Variants in FRMD4B observed in about 807,000 individuals in gnomAD.
FRMD4B encodes FERM domain containing 4B.
Under a neutral mutation model 141.5 loss-of-function variants are expected in FRMD4B, and 74 were observed. The observed-to-expected ratio is 0.52, with a 90% CI of 0.43 to 0.63. The LOEUF (loss-of-function observed/expected upper bound fraction) is 0.63. Ranked by LOEUF, FRMD4B falls within the 30% of genes least tolerant of loss-of-function variation. The pLI, the probability that FRMD4B is intolerant of heterozygous loss-of-function variation, is 0.00. For synonymous variants in FRMD4B, 506 were observed against 467.9 expected, an observed-to-expected ratio of 1.08 and a Z score of -1.05; for missense variants, 1,366 against 1,253.4, an observed-to-expected ratio of 1.09 and a Z score of -1.36.
At chr3:69,332,967 A>G (rs1216230517) in intron 1 of FRMD4B, among the ~76,000 whole-genome samples, 1 of 152,080 alleles carries the variant, frequency 6.6e-6, no homozygotes, top group African/African-American at 2.4e-5. Context: ...ATATCAAGCT[A>G]AAATATAAGC....
intron 1 of FRMD4B, chr3:69,432,775 G>A (rs1276160030): frequency 6.6e-6 from 1 of 152,184 alleles, no homozygotes; most frequent in Non-Finnish European, 1.5e-5. Flanking sequence ...TAATACAGAA[G>A]AGAGAAGCTC....
chr3:69,182,710 G>C lies in FRMD4B; in HGVS notation c.1927C>G (p.Leu643Val). 6.2e-7 allele frequency: 1 copy of C among 1,610,882 alleles called. No homozygotes were observed. Among genetic ancestry groups the C allele is most frequent in the Non-Finnish European group, 8.5e-7 (1 of 1,178,984 alleles). ...TTGTAAGGGCTGCTGTGTGTGGACA[G>C]CATTTCTCTGTGATGATAAAAAGAA... Reference protein sequence around the residue: ...FVDTRQSREMLSTHSSPYKTL... With the variant: ...FVDTRQSREMVSTHSSPYKTL... Residue 643 changes from leucine to valine, a missense_variant, in exon 20 of 23, where the codon CTG (leucine) becomes GTG (valine). Coordinates refer to ENST00000398540, the MANE Select transcript of FRMD4B (RefSeq NM_015123.3).
At chr3:69,521,571 T>C (rs1480928762) in intron 1 of FRMD4B, among the ~76,000 whole-genome samples, 1 of 152,200 alleles carries the variant, frequency 6.6e-6, no homozygotes, top group Non-Finnish European at 1.5e-5. Flanking sequence ...AGAAACTCCA[T>C]TAACTTCCCA....
chr3:69,389,578 C>T (rs1704337941), upstream of FRMD4B, among the ~76,000 whole-genome samples: 1 of 152,200 alleles, frequency 6.6e-6, no homozygotes, highest in South Asian at 2.1e-4. Flanking sequence ...CAGAAGACAT[C>T]TTATTTCTAC....
At chr3:69,398,178 C>G (rs1378410378) in intron 2 of FRMD4B, among the ~76,000 whole-genome samples, 2 of 152,210 alleles carry the variant, frequency 1.3e-5, no homozygotes, top group East Asian at 3.9e-4. Context: ...GAGTTCTGAT[C>G]ATTGGATGAT....
chr3:69,303,439 T>A (rs754112067), intron 3 of FRMD4B, among the ~76,000 whole-genome samples: 5 of 152,160 alleles, frequency 3.3e-5, no homozygotes, highest in Non-Finnish European at 7.3e-5. Flanking sequence ...ATGGCGATTT[T>A]AAAAATTAAA....
At chr3:69,228,235 A>T (rs2093273047) in intron 7 of FRMD4B, 1 of 430,132 alleles carries the variant, frequency 2.3e-6, no homozygotes, top group Admixed American at 2.6e-5. Flanking sequence ...GCCTTCAATG[A>T]TAAGAATCCT....
At chr3:69,434,468 A>C (rs1559526801) in intron 1 of FRMD4B, among the ~76,000 whole-genome samples, 1 of 152,206 alleles carries the variant, frequency 6.6e-6, no homozygotes, top group Non-Finnish European at 1.5e-5. Flanking sequence ...TCCTGCCGGC[A>C]ACAAGCAGCA....
rs34819810 is a variant in FRMD4B at position 69,396,506 on chromosome 3, T to TA, written c.-1+36127dup. Among the ~76,000 whole-genome samples, 478 of 138,060 alleles carry TA rather than the reference T, an allele frequency of 3.5e-3. 3 individuals are homozygous for TA. The highest frequency in any genetic ancestry group is 0.01 in the African/African-American group (382 of 38,056). The allele number at this position is 138,060 out of a possible 152,430, so 90.6% of individuals were successfully genotyped here. On this transcript the variant is annotated intron_variant, in intron 2 of 5. Transcript: ENST00000459638. ...GGTGACAGAGTGAGACTCTGTCTCA[T>TA]AAAAAAAAAAAAGAATTATAGAAAA...
chr3:69,172,131 C>A, intron 22 of FRMD4B, 150 bp from the exon 23 acceptor site: 1 of 655,702 alleles, frequency 1.5e-6, no homozygotes, highest in Non-Finnish European at 2.7e-6. Flanking sequence ...AGGGTGACTG[C>A]ATGTTCTTTC....
intron 1 of FRMD4B, among the ~76,000 whole-genome samples, chr3:69,523,718 G>T (rs753216228): frequency 9.9e-5 from 15 of 152,252 alleles, no homozygotes; most frequent in South Asian, 4.2e-4. Flanking sequence ...CTAAGATTGG[G>T]GTTCTGTTAC....
intron 1 of FRMD4B, among the ~76,000 whole-genome samples, chr3:69,506,414 T>C (rs572941564): frequency 2.8e-4 from 43 of 151,948 alleles, no homozygotes; most frequent in Non-Finnish European, 4.6e-4. Flanking sequence ...ATAGTTGTGC[T>C]GTGCATCCTG....
At chr3:69,354,958 G>T (rs1373432460) in intron 1 of FRMD4B, among the ~76,000 whole-genome samples, 1 of 151,928 alleles carries the variant, frequency 6.6e-6, no homozygotes, top group East Asian at 1.9e-4. Context: ...GGACGGGTTG[G>T]ATGTTAGAAG....
At chr3:69,241,663 G>A (rs76640717) in intron 7 of FRMD4B, among the ~76,000 whole-genome samples, 2,778 of 152,220 alleles carry the variant, frequency 0.018, 43 homozygotes, top group Non-Finnish European at 0.023. Flanking sequence ...TTGGGAAGCC[G>A]AGGCTGACAG....
chr3:69,263,143 G>T (rs1025278864), intron 5 of FRMD4B, among the ~76,000 whole-genome samples: 7 of 152,082 alleles, frequency 4.6e-5, no homozygotes, highest in Non-Finnish European at 1.0e-4. Context: ...TGTAGTCCCA[G>T]CTACTCAGGA....
intron 19 of FRMD4B, among the ~76,000 whole-genome samples, chr3:69,186,430 G>A (rs146451032): frequency 3.3e-5 from 5 of 151,948 alleles, no homozygotes; most frequent in African/African-American, 1.2e-4. Context: ...AGAAATTTTG[G>A]GCCGGGCACA....
chr3:69,514,238 C>T (rs2315310), intron 1 of FRMD4B, among the ~76,000 whole-genome samples: 83,476 of 151,964 alleles, frequency 0.55, 23,508 homozygotes, highest in African/African-American at 0.69. Context: ...AAGAAATCAG[C>T]TGCATTTCTA....
In FRMD4B at chr3:69,169,353, CTTTTTTT is replaced by C. The variant is rs140202368; in HGVS notation, c.*2501_*2507del. Among the ~76,000 whole-genome samples, 6 of 29,286 alleles carry C rather than the reference CTTTTTTT, an allele frequency of 2.0e-4. No homozygotes were observed. The highest frequency in any genetic ancestry group is 1.2e-3 in the Admixed American group (2 of 1,666). 19.2% of individuals were successfully genotyped at this position (29,286 alleles called of 152,430 possible). A position where few individuals can be genotyped will look rare whatever the true frequency, so the allele number is the denominator to read the frequency against. On this transcript the variant is annotated 3_prime_UTR_variant, in exon 23 of 23. Coordinates refer to ENST00000398540, the MANE Select transcript of FRMD4B (RefSeq NM_015123.3). The stretch of plus-strand genomic sequence containing the variant: ...AGGATTGCTGAACTTCCATTTCTTT[CTTTTTTT>C]TTTTTTTTTTTTTTTCTTGAGACAA...
At chr3:69,268,203 C>T (rs561685427) in intron 5 of FRMD4B, among the ~76,000 whole-genome samples, 1 of 152,008 alleles carries the variant, frequency 6.6e-6, no homozygotes, top group Non-Finnish European at 1.5e-5. Flanking sequence ...AACTTTTGTG[C>T]CAACATATTT....
Sources: allele counts gnomAD v4.1 joint callset (sites outside exome capture counted in the v4.1 genomes callset), GRCh38; gene constraint gnomAD v4.1.1; transcripts MANE v1.5; gene names NCBI Gene and HGNC (gene_info 2026-07-23, HGNC 2026-07-21).